Variants in RANBP2 observed in about 807,000 individuals in gnomAD.
RANBP2 encodes the protein RAN binding protein 2, also known as E3 SUMO-protein ligase RanBP2.
In RANBP2, 57 loss-of-function variants were observed where a neutral mutation model predicts 303.6. The ratio of observed to expected loss-of-function variants is 0.19; its 90% CI spans 0.15 to 0.23. RANBP2 has a LOEUF of 0.23. Ranked by LOEUF, RANBP2 falls within the 10% of genes least tolerant of loss-of-function variation. The probability of loss-of-function intolerance (pLI) is 1.00; values close to 1 mark genes in which losing one functional copy is unlikely to be tolerated. For missense variants in RANBP2, 3,138 were observed against 3,780.8 expected (o/e 0.83, Z 4.46); for synonymous variants, 1,167 against 1,301.5 (o/e 0.90, Z 2.23).
the RANBP2 span, among the ~76,000 whole-genome samples, chr2:109,582,075 G>GAC: frequency 0.043 from 6,194 of 143,802 alleles, 153 homozygotes; most frequent in African/African-American, 0.08. Flanking sequence ...ATGTACAACA[G>GAC]ACACACACAC....
At chr2:108,731,641 A>G in intron 4 of RANBP2, 167 bp downstream of exon 4, 1 of 1,313,178 alleles carries the variant, frequency 7.6e-7, no homozygotes, top group Non-Finnish European at 1.0e-6. Context: ...CTACTGTCTT[A>G]TTAGGCATTG....
At chr2:109,050,067 T>A in the RANBP2 span, among the ~76,000 whole-genome samples, 1 of 152,156 alleles carries the variant, frequency 6.6e-6, no homozygotes, top group Non-Finnish European at 1.5e-5. Context: ...TGGGCCCTCT[T>A]AAGATATGGT....
chr2:108,844,303 T>C, the RANBP2 span, among the ~76,000 whole-genome samples: 1 of 152,312 alleles, frequency 6.6e-6, no homozygotes, highest in East Asian at 1.9e-4. Flanking sequence ...GTTGGGTGTT[T>C]TCTGTTGTTT....
At chr2:109,120,640 C>T in the RANBP2 span, among the ~76,000 whole-genome samples, 61 of 145,118 alleles carry the variant, frequency 4.2e-4, no homozygotes, top group African/African-American at 1.5e-3. Flanking sequence ...GCACTCCAGC[C>T]TGGGCAAAAA....
the RANBP2 span, among the ~76,000 whole-genome samples, chr2:109,252,373 T>C: frequency 6.6e-6 from 1 of 152,210 alleles, no homozygotes; most frequent in East Asian, 1.9e-4. Flanking sequence ...GGATGCAAAC[T>C]CTCAAAATTT....
the RANBP2 span, chr2:109,313,765 G>A: frequency 6.5e-6 from 1 of 155,010 alleles, no homozygotes; most frequent in Non-Finnish European, 1.5e-5. Context: ...TTGTAGCGAT[G>A]GGGTCAGCTG....
At chr2:109,689,968 T>C in the RANBP2 span, among the ~76,000 whole-genome samples, 1 of 152,144 alleles carries the variant, frequency 6.6e-6, no homozygotes, top group African/African-American at 2.4e-5. Flanking sequence ...TTTCCTGAGC[T>C]GGATTATGTA....
the RANBP2 span, among the ~76,000 whole-genome samples, chr2:109,624,122 A>G: frequency 2.0e-5 from 3 of 152,206 alleles, no homozygotes; most frequent in African/African-American, 7.2e-5. Context: ...GGCTAAGACA[A>G]AAACAAACAC....
At chr2:108,969,117 A>G in the RANBP2 span, among the ~76,000 whole-genome samples, 3 of 152,272 alleles carry the variant, frequency 2.0e-5, no homozygotes, top group East Asian at 5.8e-4. Flanking sequence ...TAGCTCCTTG[A>G]GAATTGGATT....
the RANBP2 span, among the ~76,000 whole-genome samples, chr2:109,322,980 G>A: frequency 6.6e-6 from 1 of 152,222 alleles, no homozygotes; most frequent in African/African-American, 2.4e-5. Flanking sequence ...AAATCTGACT[G>A]TGGGCAAGGC....
the RANBP2 span, among the ~76,000 whole-genome samples, chr2:108,798,839 A>ACACG: frequency 6.6e-6 from 1 of 151,086 alleles, no homozygotes; most frequent in Non-Finnish European, 1.5e-5. Flanking sequence ...ACACACACAC[A>ACACG]CACACACACA....
chr2:109,544,170 C>G, the RANBP2 span: 2 of 1,577,802 alleles, frequency 1.3e-6, no homozygotes, highest in Admixed American at 3.6e-5. Flanking sequence ...AGTACTTTTC[C>G]ATAAATATCA....
chr2:108,730,309 G>GAT (rs956406475), intron 2 of RANBP2, among the ~76,000 whole-genome samples: 14 of 149,198 alleles, frequency 9.4e-5, no homozygotes, highest in South Asian at 2.1e-4. Context: ...ATTTTAGCTG[G>GAT]ATATAGTACT....
the RANBP2 span, among the ~76,000 whole-genome samples, chr2:109,546,499 C>T: frequency 5.3e-3 from 808 of 151,460 alleles, 11 homozygotes; most frequent in South Asian, 0.057. Context: ...TGAACTTTTC[C>T]TAGAGTTTTT....
At chr2:109,374,933 C>A in the RANBP2 span, among the ~76,000 whole-genome samples, 1 of 152,240 alleles carries the variant, frequency 6.6e-6, no homozygotes, top group Admixed American at 6.5e-5. Flanking sequence ...CAGTGCTCTC[C>A]CTCCGTGGTT....
intron 1 of RANBP2, among the ~76,000 whole-genome samples, chr2:108,725,219 T>C (rs1255801000): frequency 6.6e-6 from 1 of 152,210 alleles, no homozygotes; most frequent in East Asian, 1.9e-4. Flanking sequence ...TTGTCCTGTT[T>C]ACATAACATG....
chr2:108,845,691 C>A, the RANBP2 span, among the ~76,000 whole-genome samples: 1 of 151,766 alleles, frequency 6.6e-6, no homozygotes, highest in African/African-American at 2.4e-5. Context: ...CCTGTCTCAG[C>A]CTCCCAAGTA....
chr2:109,079,037 G>T, the RANBP2 span, among the ~76,000 whole-genome samples: 1 of 152,056 alleles, frequency 6.6e-6, no homozygotes. Flanking sequence ...TAAGTAGCTT[G>T]ACTGGTAATC....
chr2:108,742,812 G>C (rs1047438867), intron 7 of RANBP2, among the ~76,000 whole-genome samples: 2 of 151,664 alleles, frequency 1.3e-5, no homozygotes, highest in Non-Finnish European at 2.9e-5. Flanking sequence ...TTTTTGAGAC[G>C]GAGTCTCACT....
Sources: allele counts gnomAD v4.1 joint callset (sites outside exome capture counted in the v4.1 genomes callset), GRCh38; gene constraint gnomAD v4.1.1; transcripts MANE v1.5; gene names NCBI Gene and HGNC (gene_info 2026-07-23, HGNC 2026-07-21).